Variants in SYNPR observed in about 807,000 individuals in gnomAD.
SYNPR encodes synaptoporin.
A neutral mutation model predicts 32.9 loss-of-function variants in SYNPR; 23 were observed. The ratio of observed to expected loss-of-function variants is 0.70; its 90% CI spans 0.50 to 0.99. SYNPR has a LOEUF of 0.99. Among genes scored for constraint, SYNPR ranks in the 50% least tolerant of loss-of-function variants. SYNPR has a pLI of 0.00. For synonymous variants in SYNPR, 146 were observed against 135.9 expected (o/e 1.07, Z -0.52); for missense variants, 318 against 349.3 (o/e 0.91, Z 0.71).
At chr3:63,221,311 A>T in the SYNPR span, among the ~76,000 whole-genome samples, 3 of 152,170 alleles carry the variant, frequency 2.0e-5, no homozygotes, top group Non-Finnish European at 4.4e-5. Context: ...AAGGGATTTC[A>T]TCTAGAGAGA....
At chr3:63,221,666 C>T in the SYNPR span, among the ~76,000 whole-genome samples, 1 of 152,314 alleles carries the variant, frequency 6.6e-6, no homozygotes, top group South Asian at 2.1e-4. Context: ...GCCTGTGACT[C>T]TCCCAGGTTC....
At chr3:63,605,771 G>A (rs1238053895) in intron 4 of SYNPR, among the ~76,000 whole-genome samples, 1 of 152,168 alleles carries the variant, frequency 6.6e-6, no homozygotes, top group African/African-American at 2.4e-5. Flanking sequence ...AAAGAAGAAG[G>A]AGCCATGTGG....
At chr3:63,234,365 C>G (rs1312247493) in intron 1 of SYNPR, among the ~76,000 whole-genome samples, 1 of 152,180 alleles carries the variant, frequency 6.6e-6, no homozygotes, top group African/African-American at 2.4e-5. Context: ...GGTGGGGACA[C>G]AGCCAAATCA....
At chr3:63,426,171 G>GAT (rs1699889783) in intron 2 of SYNPR, among the ~76,000 whole-genome samples, 1 of 152,206 alleles carries the variant, frequency 6.6e-6, no homozygotes. Flanking sequence ...GGATGAAGAT[G>GAT]ATAAGGCTTA....
intron 3 of SYNPR, among the ~76,000 whole-genome samples, chr3:63,553,106 G>A (rs1446608380): frequency 1.3e-5 from 2 of 152,042 alleles, no homozygotes; most frequent in Non-Finnish European, 2.9e-5. Context: ...CCCTACTCTA[G>A]TACTCCACAG....
chr3:63,355,790 C>T (rs1027151672), intron 2 of SYNPR, among the ~76,000 whole-genome samples: 1 of 152,120 alleles, frequency 6.6e-6, no homozygotes, highest in Non-Finnish European at 1.5e-5. Context: ...CCTTTGCTCT[C>T]CACCTAGTTA....
chr3:63,555,205 T>C (rs932174202), intron 3 of SYNPR, among the ~76,000 whole-genome samples: 1 of 151,352 alleles, frequency 6.6e-6, no homozygotes, highest in African/African-American at 2.4e-5. Flanking sequence ...TTTATTTTTT[T>C]CACTTGCCTG....
intron 4 of SYNPR, among the ~76,000 whole-genome samples, chr3:63,597,742 G>A (rs1210079627): frequency 2.0e-5 from 3 of 152,180 alleles, no homozygotes; most frequent in African/African-American, 7.2e-5. Flanking sequence ...CACAGCTGTT[G>A]TGAAGGTCAT....
At chr3:63,465,426 C>A (rs893444723) in intron 2 of SYNPR, among the ~76,000 whole-genome samples, 1 of 151,932 alleles carries the variant, frequency 6.6e-6, no homozygotes, top group Non-Finnish European at 1.5e-5. Context: ...TTTGAATATT[C>A]TTTAAAAAGC....
chr3:63,425,243 A>G (rs558490993), intron 2 of SYNPR, among the ~76,000 whole-genome samples: 1 of 152,332 alleles, frequency 6.6e-6, no homozygotes, highest in South Asian at 2.1e-4. Flanking sequence ...TCATGTGCAA[A>G]GAGAAAACAC....
At chr3:63,468,483 C>A (rs1190347492) in intron 2 of SYNPR, among the ~76,000 whole-genome samples, 1 of 127,066 alleles carries the variant, frequency 7.9e-6, no homozygotes, top group Non-Finnish European at 1.5e-5. Context: ...ATTTAATATA[C>A]CTGCAAAGCA....
chr3:63,498,292 T>C (rs1011328200), intron 3 of SYNPR, among the ~76,000 whole-genome samples: 6 of 152,160 alleles, frequency 3.9e-5, no homozygotes, highest in Admixed American at 2.0e-4. Flanking sequence ...CGTTCATTCA[T>C]AGAGCACATT....
chr3:63,573,733 T>C (rs1301702561), intron 4 of SYNPR, among the ~76,000 whole-genome samples: 1 of 152,144 alleles, frequency 6.6e-6, no homozygotes, highest in Non-Finnish European at 1.5e-5. Flanking sequence ...TGCCATCTCA[T>C]TGTTCTATGT....
At chr3:63,223,185 T>C in the SYNPR span, among the ~76,000 whole-genome samples, 1 of 152,140 alleles carries the variant, frequency 6.6e-6, no homozygotes, top group Middle Eastern at 3.4e-3. Flanking sequence ...ATCAGTCACA[T>C]TGCCCTGTTT....
At chr3:63,596,493 C>T (rs62250835) in intron 4 of SYNPR, among the ~76,000 whole-genome samples, 1 of 151,650 alleles carries the variant, frequency 6.6e-6, no homozygotes, top group Non-Finnish European at 1.5e-5. Context: ...TTTCCCCCAA[C>T]ACCTAACAAA....
intron 4 of SYNPR, among the ~76,000 whole-genome samples, chr3:63,585,461 C>T (rs902299609): frequency 1.9e-4 from 29 of 149,202 alleles, no homozygotes; most frequent in East Asian, 1.6e-3. Flanking sequence ...CCCCCCCCTC[C>T]GCCCCGCACC....
chr3:63,551,414 T>A (rs1344968845), intron 3 of SYNPR, among the ~76,000 whole-genome samples: 1 of 152,194 alleles, frequency 6.6e-6, no homozygotes, highest in Non-Finnish European at 1.5e-5. Flanking sequence ...ATGTTATCAT[T>A]TCTCTTGGGT....
At chr3:63,424,348 T>C (rs1325839885) in intron 2 of SYNPR, among the ~76,000 whole-genome samples, 1 of 152,136 alleles carries the variant, frequency 6.6e-6, no homozygotes, top group Admixed American at 6.5e-5. Context: ...AAATACTATT[T>C]TGAAGGTAGG....
At chr3:63,288,251 C>T (rs2086705019) in intron 2 of SYNPR, among the ~76,000 whole-genome samples, 1 of 152,182 alleles carries the variant, frequency 6.6e-6, no homozygotes, top group South Asian at 2.1e-4. Context: ...TCATGATATT[C>T]GAAACATTCC....
Sources: gnomAD v4.1 joint callset for allele counts (sites outside exome capture counted in the v4.1 genomes callset) on GRCh38, gnomAD v4.1.1 for gene constraint, MANE v1.5 for transcripts, NCBI Gene and HGNC (gene_info 2026-07-23, HGNC 2026-07-21) for gene names.